The following FCAMR variants were observed in gnomAD, a reference collection of about 807,000 sequenced individuals.
FCAMR encodes high affinity immunoglobulin alpha and immunoglobulin mu Fc receptor.
Under a neutral mutation model 52.2 loss-of-function variants are expected in FCAMR, and 51 were observed. The ratio of observed to expected loss-of-function variants is 0.98; its 90% CI spans 0.78 to 1.23. The LOEUF is 1.23. Among genes scored for constraint, FCAMR ranks in the 50% most tolerant of loss-of-function variants. FCAMR has a pLI of 0.00. For synonymous variants in FCAMR, 282 were observed against 262.0 expected (o/e 1.08, Z -0.74); for missense variants, 719 against 712.6 (o/e 1.01, Z -0.10).
chr1:206,968,679 A>G (rs758338378), intron 1 of FCAMR, among the ~76,000 whole-genome samples: 5 of 152,218 alleles, frequency 3.3e-5, no homozygotes, highest in African/African-American at 4.8e-5. Flanking sequence ...CAAAGAGGAA[A>G]ACAGGGAATA....
At chr1:206,960,034 C>G (rs1316965266) in intron 6 of FCAMR, 2 of 531,638 alleles carry the variant, frequency 3.8e-6, no homozygotes, top group Non-Finnish European at 6.7e-6. Flanking sequence ...CCCTGCGATG[C>G]CTCCCAGTGA....
intron 7 of FCAMR, chr1:206,959,049 G>GCT: frequency 2.2e-6 from 1 of 451,484 alleles, no homozygotes; most frequent in South Asian, 1.7e-5. Flanking sequence ...CTGCACTCCT[G>GCT]CTCTCTGCTG....
chr1:206,969,699 G>A (rs2629685), intron 1 of FCAMR, among the ~76,000 whole-genome samples: 1 of 152,180 alleles, frequency 6.6e-6, no homozygotes, highest in Non-Finnish European at 1.5e-5. Context: ...GTGTAGTATA[G>A]AGGAGAGAGC....
chr1:206,962,664 T>C, intron 4 of FCAMR, 113 bp from the exon 5 acceptor site: 1 of 821,574 alleles, frequency 1.2e-6, no homozygotes, highest in Non-Finnish European at 1.8e-6. Context: ...AAAATACCAC[T>C]GTGAACATGG....
At chr1:206,967,939 C>G (rs934286313) in intron 1 of FCAMR, among the ~76,000 whole-genome samples, 1 of 152,202 alleles carries the variant, frequency 6.6e-6, no homozygotes, top group Non-Finnish European at 1.5e-5. Context: ...GGATCTAGCA[C>G]GTTGTAGATG....
chr1:206,962,330 C>T lies in FCAMR; in HGVS notation c.535G>A (p.Gly179Ser), dbSNP rs780481679. 2 of 1,614,208 alleles carry T rather than the reference C, an allele frequency of 1.2e-6. No homozygotes were observed. The highest frequency in any genetic ancestry group is 1.7e-6 in the Non-Finnish European group (2 of 1,180,046). ...RVALTDFPQR[G>S]LFVVRLSQLS... ...TGGGACAGCCTCACCACAAACAAGCCTCTCTGTGGAAAGTCTGTGAGGGCC... is the reference window on the plus strand; with the variant it reads ...TGGGACAGCCTCACCACAAACAAGCTTCTCTGTGGAAAGTCTGTGAGGGCC... Residue 179 changes from glycine (G) to serine (S), a missense_variant, in exon 5 of 8, where the codon GGC becomes AGC. Transcript: ENST00000324852.
chr1:206,966,987 G>T, intron 3 of FCAMR, 65 bp downstream of exon 3: 1 of 1,556,936 alleles, frequency 6.4e-7, no homozygotes, highest in Non-Finnish European at 8.8e-7. Context: ...AGGACCTTTA[G>T]GGCAGCCTGG....
Position 206,959,506 on chromosome 1 carries a change from G to A in FCAMR, c.1573+173C>T, listed in dbSNP as rs1346285920. 8.7e-5 allele frequency among the ~76,000 whole-genome samples: 13 copies of A among 149,500 alleles called. No homozygotes were observed. The East Asian group carries it at 2.5e-3, about 29-fold the overall frequency. ...AAAAAAAAAAAGAAAAGAAAAGAAA[G>A]AAAAAAAGAAAGAAAGAAAAGAAAC... On this transcript the variant is annotated intron_variant, in intron 7 of 7. Transcript: ENST00000324852.
At chr1:206,967,449 G>T in intron 2 of FCAMR, 134 bp downstream of exon 2, 3 of 928,992 alleles carry the variant, frequency 3.2e-6, no homozygotes, top group Admixed American at 2.0e-5. Context: ...GGGGAGCACC[G>T]TGTAGTGGAA....
intron 1 of FCAMR, among the ~76,000 whole-genome samples, chr1:206,967,942 T>C (rs1680778551): frequency 6.6e-6 from 1 of 152,212 alleles, no homozygotes; most frequent in Non-Finnish European, 1.5e-5. Context: ...TCTAGCACGT[T>C]GTAGATGTGA....
In FCAMR at chr1:206,970,118, C is replaced by G; in HGVS notation, c.8G>C (p.Gly3Ala). 6.2e-7 allele frequency: 1 copy of G among 1,614,118 alleles called. No homozygotes were observed. Among genetic ancestry groups the G allele is most frequent in the African/African-American group, 1.3e-5 (1 of 75,024 alleles). MDGEATVKPGEQK... is the reference protein window; with the variant it reads MDAEATVKPGEQK... Reference sequence around the variant, plus strand: ...TTCTCCAGGCTTCACTGTGGCCTCTCCATCCATCTCAGTCCAGAAACAAGA... The same window carrying G: ...TTCTCCAGGCTTCACTGTGGCCTCTGCATCCATCTCAGTCCAGAAACAAGA... Residue 3 changes from glycine to alanine, a missense_variant, in exon 1 of 8, where the codon GGA (glycine) becomes GCA (alanine). Transcript: ENST00000324852.
chr1:206,964,230 C>T (rs1680618273), intron 4 of FCAMR, among the ~76,000 whole-genome samples: 1 of 152,168 alleles, frequency 6.6e-6, no homozygotes, highest in African/African-American at 2.4e-5. Flanking sequence ...GGACAGCTTC[C>T]CGCGGGGCTG....
In FCAMR at chr1:206,960,741, G is replaced by A; in HGVS notation, c.1135C>T (p.Pro379Ser). The A allele has an allele frequency of 6.4e-7, 1 of 1,552,392 alleles. No individual in the cohort carries two copies. The highest frequency in any genetic ancestry group is 1.2e-5 in the South Asian group (1 of 84,062). ...GCCAAAGTTTCTGAGACCAGAGCTG[G>A]TGGCCCAATGGTTCCTAGGACCTTT... The part of the protein sequence containing the change: ...AKKVLGTIGP[P>S]ALVSETLAWE... Residue 379 changes from proline to serine, a missense_variant, in exon 6 of 8, where the codon CCA (proline) becomes TCA (serine). Pro to Ser is a moderately conservative substitution (Grantham distance 74). Transcript: ENST00000324852.
chr1:206,967,694 T>A, intron 1 of FCAMR, 43 bp from the exon 2 acceptor site: 1 of 1,584,742 alleles, frequency 6.3e-7, no homozygotes. Context: ...GGAAGATTTC[T>A]GTTTCACTGT....
At position 206,961,065 on chromosome 1, in the gene FCAMR, T is replaced by C; in HGVS notation, c.811A>G (p.Thr271Ala). 4.5e-6 allele frequency: 7 copies of C among 1,551,882 alleles called. No individual in the cohort carries two copies. Among genetic ancestry groups the C allele is most frequent in the Non-Finnish European group, 6.1e-6 (7 of 1,147,032 alleles). Residue 271 changes from threonine (T) to alanine (A), a missense_variant, in exon 6 of 8, where the codon ACC (threonine) becomes GCC (alanine). Thr to Ala is a moderately conservative substitution (Grantham distance 58). Transcript: ENST00000324852. ...AWDTVASTPG[T>A]SKTTASAEGR... ...TCAGCTGAAGCTGTAGTCTTGCTGGTTCCTGGAGTGGAAGCAACTGTGTCC... is the reference window on the plus strand; with the variant it reads ...TCAGCTGAAGCTGTAGTCTTGCTGGCTCCTGGAGTGGAAGCAACTGTGTCC...
Position 206,959,728 on chromosome 1 carries a change from C to G in FCAMR, c.1524G>C (p.Met508Ile). The G allele has an allele frequency of 6.2e-7, 1 of 1,614,086 alleles. No homozygotes were observed. Among genetic ancestry groups the G allele is most frequent in the Non-Finnish European group, 8.5e-7 (1 of 1,179,996 alleles). Residue 508 changes from methionine to isoleucine, a missense_variant, in exon 7 of 8, where the codon ATG becomes ATC. Coordinates refer to ENST00000324852, the MANE Select transcript of FCAMR (RefSeq NM_001170631.2). Reference protein sequence around the residue: ...APVSTMLALFMLMALVLLQRK... With the variant: ...APVSTMLALFILMALVLLQRK... ...TTTGCAATAGAACCAGAGCCATAAGCATAAACAGGGCCAGCATGGTAGAGA... is the reference window on the plus strand; with the variant it reads ...TTTGCAATAGAACCAGAGCCATAAGGATAAACAGGGCCAGCATGGTAGAGA...
chr1:206,965,824 ATGGGGTCTTTTT>A lies in FCAMR; in HGVS notation c.192_203del (p.Gln64_Pro67del), dbSNP rs1558027020. On this transcript the variant is annotated inframe_deletion, in exon 4 of 8. Coordinates refer to ENST00000324852, the MANE Select transcript of FCAMR (RefSeq NM_001170631.2). Reference sequence around the variant, plus strand: ...GAGAGCCCTCCCACAGCCATCTCGGATGGGGTCTTTTTTGTGGAAGGGCGAAAGAAGAACCTG... The same window carrying A: ...GAGAGCCCTCCCACAGCCATCTCGGATGTGGAAGGGCGAAAGAAGAACCTG... The A allele has an allele frequency of 1.9e-6, 3 of 1,604,404 alleles. No homozygotes were observed. In the South Asian group the frequency reaches 3.3e-5, roughly 18 times the overall value.
At chr1:206,963,025 C>A (rs929698563) in intron 4 of FCAMR, among the ~76,000 whole-genome samples, 5 of 150,184 alleles carry the variant, frequency 3.3e-5, no homozygotes, top group Non-Finnish European at 7.3e-5. Context: ...TAAACAAGGA[C>A]CCTTTCAGGA....
chr1:206,959,796 T>G lies in FCAMR; in HGVS notation c.1456A>C (p.Thr486Pro). 1.9e-6 allele frequency: 3 copies of G among 1,612,366 alleles called. No homozygotes were observed. The South Asian group carries it at 3.3e-5, about 18-fold the overall frequency. ...PPGKESSVKR[T>P]FPEDESSSRT... ...GAGCTGCTTTCATCTTCTGGAAAAGTACTACAGTGGGGGTGGAAAGAGCAC... is the reference window on the plus strand; with the variant it reads ...GAGCTGCTTTCATCTTCTGGAAAAGGACTACAGTGGGGGTGGAAAGAGCAC... The change falls in exon 7 of 8, where the codon ACT (threonine) becomes CCT (proline). Residue 486 changes from threonine (T) to proline (P), a missense_variant and splice_region_variant. Thr to Pro is a conservative substitution (Grantham distance 38, BLOSUM62 -1). Transcript: ENST00000324852.
Sources: gnomAD v4.1 joint callset for allele counts (sites outside exome capture counted in the v4.1 genomes callset) on GRCh38, gnomAD v4.1.1 for gene constraint, MANE v1.5 for transcripts, NCBI Gene and HGNC (gene_info 2026-07-23, HGNC 2026-07-21) for gene names.